Variants in TRAPPC12 observed in about 807,000 individuals in gnomAD.
The protein encoded by TRAPPC12 is TPR repeat protein 15.
In TRAPPC12, 61 loss-of-function variants were observed where a neutral mutation model predicts 69.2. The observed-to-expected ratio is 0.88, with a 90% CI of 0.72 to 1.09. The LOEUF (loss-of-function observed/expected upper bound fraction) is 1.09. TRAPPC12 is among the 50% of genes least tolerant of loss of function. The pLI is 0.00. For missense variants in TRAPPC12, 1,101 were observed against 1,016.4 expected (o/e 1.08, Z -1.13); for synonymous variants, 469 against 438.9 (o/e 1.07, Z -0.86).
intron 3 of TRAPPC12, among the ~76,000 whole-genome samples, chr2:3,420,010 C>T (rs943024308): frequency 8.5e-5 from 13 of 152,230 alleles, no homozygotes; most frequent in East Asian, 1.9e-4. Context: ...TACTGCATTA[C>T]GCTCCTGGAT....
chr2:3,408,859 G>A (rs986304173), intron 3 of TRAPPC12, among the ~76,000 whole-genome samples: 8 of 151,986 alleles, frequency 5.3e-5, no homozygotes, highest in African/African-American at 1.9e-4. Context: ...GCAGTTGATC[G>A]GGCAGCACAG....
At chr2:3,440,980 C>T (rs1414211979) in intron 5 of TRAPPC12, among the ~76,000 whole-genome samples, 1 of 152,096 alleles carries the variant, frequency 6.6e-6, no homozygotes, top group East Asian at 1.9e-4. Flanking sequence ...GTTAGATCAC[C>T]CCTGCATACC....
intron 8 of TRAPPC12, chr2:3,462,792 G>C (rs574014720): frequency 1.4e-5 from 6 of 425,460 alleles, no homozygotes; most frequent in African/African-American, 1.2e-4. Context: ...TGCCACCTTA[G>C]GTGGCTTGGG....
intron 3 of TRAPPC12, among the ~76,000 whole-genome samples, chr2:3,409,643 G>A (rs998990526): frequency 2.0e-5 from 3 of 151,360 alleles, no homozygotes; most frequent in Non-Finnish European, 4.4e-5. Flanking sequence ...CCAGCTACTC[G>A]GGAAGCTGAG....
chr2:3,448,205 T>C (rs1425912525), intron 6 of TRAPPC12, among the ~76,000 whole-genome samples: 2 of 152,200 alleles, frequency 1.3e-5, no homozygotes, highest in African/African-American at 2.4e-5. Context: ...CCCAGACAAC[T>C]GCAGTGAGGC....
intron 8 of TRAPPC12, chr2:3,463,002 G>A (rs140996158): frequency 3.6e-5 from 17 of 468,214 alleles, no homozygotes; most frequent in East Asian, 1.4e-4. Flanking sequence ...CTAGTTTCAC[G>A]GCCTGTAAAC....
chr2:3,475,241 C>T (rs1293824017), intron 9 of TRAPPC12, among the ~76,000 whole-genome samples: 1 of 151,402 alleles, frequency 6.6e-6, no homozygotes, highest in Non-Finnish European at 1.5e-5. Context: ...ACAGTGCTTA[C>T]GGCCACACCT....
At chr2:3,433,835 A>G (rs1663601722) in intron 5 of TRAPPC12, among the ~76,000 whole-genome samples, 1 of 152,240 alleles carries the variant, frequency 6.6e-6, no homozygotes, top group South Asian at 2.1e-4. Flanking sequence ...TTCCGGAAAA[A>G]TAGATCCACT....
At chr2:3,421,771 C>A in intron 3 of TRAPPC12, 110 bp from the exon 4 acceptor site, 1 of 975,950 alleles carries the variant, frequency 1.0e-6, no homozygotes, top group Non-Finnish European at 1.6e-6. Flanking sequence ...GGCTGGCTGG[C>A]GCTGCTTCCA....
intron 2 of TRAPPC12, among the ~76,000 whole-genome samples, chr2:3,390,169 C>T (rs982958622): frequency 2.6e-5 from 4 of 152,166 alleles, no homozygotes; most frequent in East Asian, 1.9e-4. Flanking sequence ...CACCGGGGAC[C>T]GCCCCTGTCT....
chr2:3,383,836 G>GTGT (rs991006112), intron 1 of TRAPPC12, among the ~76,000 whole-genome samples: 80 of 137,980 alleles, frequency 5.8e-4, no homozygotes, highest in Non-Finnish European at 1.2e-3. Context: ...TTCCTTTGAT[G>GTGT]TGTGCTACAT....
At chr2:3,413,949 C>G (rs1305223052) in intron 3 of TRAPPC12, among the ~76,000 whole-genome samples, 1 of 152,138 alleles carries the variant, frequency 6.6e-6, no homozygotes, top group Non-Finnish European at 1.5e-5. Flanking sequence ...CTTTTACCTC[C>G]TAAATAATTC....
intron 6 of TRAPPC12, among the ~76,000 whole-genome samples, chr2:3,453,550 G>GT (rs911062084): frequency 6.6e-6 from 1 of 152,182 alleles, no homozygotes. Context: ...AGCAGGGAGG[G>GT]TGTGGGTGCA....
At chr2:3,455,802 C>CA (rs1294231507) in intron 6 of TRAPPC12, 1 of 152,276 alleles carries the variant, frequency 6.6e-6, no homozygotes, top group Non-Finnish European at 1.5e-5. Flanking sequence ...AACAGTGCTG[C>CA]AGCACACACG....
rs573857406 is a variant in TRAPPC12, at chr2:3,402,672, A to G, written c.1164+779A>G. ...GTTGATTTGTTTCCAATGAATTTAT[A>G]ATCTTAAAGACAGCTGTAATTGCGT... is the stretch of plus-strand genomic sequence containing the variant. On this transcript the variant is annotated intron_variant, in intron 3 of 11. Coordinates refer to ENST00000324266, the MANE Select transcript of TRAPPC12 (RefSeq NM_016030.6). Among the ~76,000 whole-genome samples, 9 of 152,364 alleles carry G rather than the reference A, an allele frequency of 5.9e-5. No homozygotes were observed. In the South Asian group the frequency reaches 1.0e-3, roughly 18 times the overall value.
chr2:3,424,498 A>G lies in TRAPPC12; in HGVS notation c.1279-27A>G, dbSNP rs202073307. On this transcript the variant is annotated intron_variant, in intron 4 of 11. Coordinates refer to ENST00000324266, the MANE Select transcript of TRAPPC12 (RefSeq NM_016030.6). ...TGAACTGGATATATGTAGATAACCTATTGTTTCCATTGTATTTTGTTTTTA... is the reference window on the plus strand; with the variant it reads ...TGAACTGGATATATGTAGATAACCTGTTGTTTCCATTGTATTTTGTTTTTA... The G allele has an allele frequency of 2.5e-5, 41 of 1,609,822 alleles. No homozygotes were observed. The African/African-American group carries it at 3.9e-4, about 15-fold the overall frequency.
chr2:3,407,990 G>T (rs34592230), intron 3 of TRAPPC12, among the ~76,000 whole-genome samples: 40,323 of 151,804 alleles, frequency 0.27, 5,580 homozygotes, highest in East Asian at 0.42. Context: ...CACCTTGGAA[G>T]GATGTGCTGG....
intron 2 of TRAPPC12, among the ~76,000 whole-genome samples, chr2:3,395,135 C>T (rs138395763): frequency 1.4e-3 from 217 of 152,232 alleles, no homozygotes; most frequent in African/African-American, 4.1e-3. Flanking sequence ...TTCATGTTTC[C>T]GTCAGCAGCG....
At chr2:3,460,136 C>T (rs1013897108) in intron 7 of TRAPPC12, 127 bp from the exon 8 acceptor site, 97 of 757,734 alleles carry the variant, frequency 1.3e-4, no homozygotes, top group Non-Finnish European at 2.0e-4. Context: ...CATTCCAGGC[C>T]GAAATCCAGT....
Sources: gnomAD v4.1 joint callset for allele counts (sites outside exome capture counted in the v4.1 genomes callset) on GRCh38, gnomAD v4.1.1 for gene constraint, MANE v1.5 for transcripts, NCBI Gene and HGNC (gene_info 2026-07-23, HGNC 2026-07-21) for gene names.